Variants in DPP10 observed in about 807,000 individuals in gnomAD.
DPP10 encodes the protein inactive dipeptidyl peptidase 10.
In DPP10, 33 loss-of-function variants were observed where a neutral mutation model predicts 120.9. The ratio of observed to expected loss-of-function variants is 0.27; its 90% CI spans 0.21 to 0.37. DPP10 has a LOEUF of 0.37. DPP10 is among the 10% of genes least tolerant of loss of function. The pLI is 1.00. For missense variants in DPP10, 816 were observed against 942.8 expected (o/e 0.87, Z 1.76); for synonymous variants, 337 against 326.1 (o/e 1.03, Z -0.36).
chr2:114,902,296 A>T (rs1558862849), intron 1 of DPP10, among the ~76,000 whole-genome samples: 4 of 152,088 alleles, frequency 2.6e-5, no homozygotes, highest in East Asian at 3.9e-4. Context: ...TTTCAAATGG[A>T]TGTCTAATTC....
intron 2 of DPP10, among the ~76,000 whole-genome samples, chr2:115,331,397 A>T (rs1186119782): frequency 1.3e-5 from 2 of 152,140 alleles, no homozygotes; most frequent in African/African-American, 2.4e-5. Context: ...CTCTTTTCCT[A>T]ACTGAATACC....
At chr2:114,798,595 A>T (rs1683913056) in intron 1 of DPP10, among the ~76,000 whole-genome samples, 1 of 152,106 alleles carries the variant, frequency 6.6e-6, no homozygotes, top group African/African-American at 2.4e-5. Context: ...GTCAATAATA[A>T]GCAGAGCTAA....
chr2:115,448,136 A>G (rs1450496317), intron 3 of DPP10, among the ~76,000 whole-genome samples: 1 of 152,202 alleles, frequency 6.6e-6, no homozygotes, highest in East Asian at 1.9e-4. Context: ...GATTTATGGG[A>G]ACGGTGAAGT....
intron 19 of DPP10, among the ~76,000 whole-genome samples, chr2:115,811,173 G>A (rs1406237163): frequency 6.6e-6 from 1 of 152,076 alleles, no homozygotes; most frequent in African/African-American, 2.4e-5. Context: ...TCTTTTAAGT[G>A]TATGTTGAAA....
At chr2:114,896,037 T>C (rs1030511373) in intron 1 of DPP10, among the ~76,000 whole-genome samples, 2 of 152,156 alleles carry the variant, frequency 1.3e-5, no homozygotes, top group Non-Finnish European at 2.9e-5. Context: ...AAAGATCAGA[T>C]AGTTGTAGAT....
At chr2:115,197,490 G>A (rs931184341) in intron 1 of DPP10, among the ~76,000 whole-genome samples, 2 of 152,000 alleles carry the variant, frequency 1.3e-5, no homozygotes, top group African/African-American at 4.8e-5. Flanking sequence ...GTTACTAGGA[G>A]AGTTTCACAT....
rs72471562 is a variant in DPP10 at position 114,682,770 on chromosome 2, G to GTCTATCTA, written c.60+239969_60+239976dup. Reference sequence around the variant, plus strand: ...TATCTATCTATCTATCTATCTGTCTGTCTATCTATCTATCTATCTATCTAT... The same window carrying GTCTATCTA: ...TATCTATCTATCTATCTATCTGTCTGTCTATCTATCTATCTATCTATCTATCTATCTAT... On this transcript the variant is annotated intron_variant, in intron 1 of 25. Transcript: ENST00000410059. 7.0e-3 allele frequency among the ~76,000 whole-genome samples: 1,040 copies of GTCTATCTA among 149,594 alleles called. 5 individuals are homozygous for GTCTATCTA. Among genetic ancestry groups the GTCTATCTA allele is most frequent in the Non-Finnish European group, 8.6e-3 (575 of 67,128 alleles).
chr2:114,473,101 T>A (rs891818483), intron 1 of DPP10, among the ~76,000 whole-genome samples: 3 of 152,222 alleles, frequency 2.0e-5, no homozygotes, highest in African/African-American at 7.2e-5. Context: ...ATTATCATTT[T>A]TTTTCTCCTT....
At chr2:114,877,328 T>A in intron 1 of DPP10, among the ~76,000 whole-genome samples, 1 of 152,224 alleles carries the variant, frequency 6.6e-6, no homozygotes, top group South Asian at 2.1e-4. Context: ...AGTAAGTAGT[T>A]GGCTAACACA....
chr2:114,833,635 A>C (rs1453817538), intron 1 of DPP10: 1 of 152,196 alleles, frequency 6.6e-6, no homozygotes, highest in Admixed American at 6.5e-5. Context: ...GGCACCTCCA[A>C]GTCTGCCTCT....
intron 1 of DPP10, among the ~76,000 whole-genome samples, chr2:114,445,467 C>A (rs377628100): frequency 4.0e-5 from 6 of 150,542 alleles, no homozygotes; most frequent in African/African-American, 1.2e-4. Flanking sequence ...TGGGAATGAA[C>A]AAAAGTGAAA....
At chr2:114,748,355 T>TA (rs1254806613) in intron 1 of DPP10, among the ~76,000 whole-genome samples, 3 of 134,386 alleles carry the variant, frequency 2.2e-5, no homozygotes, top group Admixed American at 7.6e-5. Flanking sequence ...TTTTTTATTT[T>TA]TTTTTATTTT....
intron 3 of DPP10, among the ~76,000 whole-genome samples, chr2:115,485,711 A>G (rs1219255710): frequency 6.6e-6 from 1 of 152,130 alleles, no homozygotes; most frequent in African/African-American, 2.4e-5. Context: ...GAGTCATAGC[A>G]TCTGTTGTTT....
At chr2:115,434,957 CTT>C (rs781301439) in intron 3 of DPP10, among the ~76,000 whole-genome samples, 7 of 151,582 alleles carry the variant, frequency 4.6e-5, no homozygotes, top group Non-Finnish European at 8.8e-5. Context: ...GTTAATTTCA[CTT>C]AACATAATGG....
intron 1 of DPP10, among the ~76,000 whole-genome samples, chr2:114,572,920 AG>A (rs1336819826): frequency 1.3e-5 from 2 of 152,202 alleles, no homozygotes; most frequent in Admixed American, 6.5e-5. Context: ...TAGAAAACAC[AG>A]GCGTGGAACC....
chr2:115,040,310 T>G (rs1704541075), intron 1 of DPP10, among the ~76,000 whole-genome samples: 2 of 151,974 alleles, frequency 1.3e-5, no homozygotes, highest in Middle Eastern at 3.2e-3. Context: ...AAGTCCTTCT[T>G]CATATCCTAT....
At chr2:114,632,503 GTT>G (rs756591992) in intron 1 of DPP10, among the ~76,000 whole-genome samples, 1 of 88,622 alleles carries the variant, frequency 1.1e-5, no homozygotes, top group Non-Finnish European at 2.2e-5. Flanking sequence ...TGGACTTAGG[GTT>G]TTTTTTTTTT....
At chr2:115,686,987 G>T (rs1385692873) in intron 5 of DPP10, among the ~76,000 whole-genome samples, 1 of 151,822 alleles carries the variant, frequency 6.6e-6, no homozygotes, top group African/African-American at 2.4e-5. Context: ...TTACCCTCTC[G>T]TCATGAAATA....
intron 1 of DPP10, among the ~76,000 whole-genome samples, chr2:114,808,388 TA>T (rs1574237903): frequency 6.6e-6 from 1 of 152,120 alleles, no homozygotes; most frequent in Admixed American, 6.6e-5. Context: ...GAAATATACA[TA>T]GGAATATAAT....
Sources: allele counts gnomAD v4.1 joint callset (sites outside exome capture counted in the v4.1 genomes callset), GRCh38; gene constraint gnomAD v4.1.1; transcripts MANE v1.5; gene names NCBI Gene and HGNC (gene_info 2026-07-23, HGNC 2026-07-21).